CDH18: variants seen among roughly 807,000 people sequenced by gnomAD.
The protein encoded by CDH18 is cadherin-18.
Under a neutral mutation model 67.9 loss-of-function variants are expected in CDH18, and 31 were observed. That is an observed-to-expected ratio of 0.46 (90% CI 0.34 to 0.62). CDH18 has a LOEUF of 0.62. CDH18 is among the 20% of genes least tolerant of loss of function. CDH18 has a pLI of 0.01. For synonymous variants in CDH18, 362 were observed against 347.2 expected (o/e 1.04, Z -0.48); for missense variants, 890 against 975.5 (o/e 0.91, Z 1.17).
chr5:19,914,901 A>AT (rs1178500775), intron 2 of CDH18, among the ~76,000 whole-genome samples: 1 of 152,052 alleles, frequency 6.6e-6, no homozygotes, highest in South Asian at 2.1e-4. Flanking sequence ...GAACTTAACA[A>AT]TTTTTTTGTG....
At chr5:19,737,046 T>A (rs1768428545) in intron 4 of CDH18, among the ~76,000 whole-genome samples, 1 of 152,180 alleles carries the variant, frequency 6.6e-6, no homozygotes, top group Non-Finnish European at 1.5e-5. Flanking sequence ...AACACAGAAG[T>A]CTGGTAGAAA....
chr5:20,191,584 C>T (rs1250479766), intron 2 of CDH18, among the ~76,000 whole-genome samples: 1 of 151,946 alleles, frequency 6.6e-6, no homozygotes, highest in Non-Finnish European at 1.5e-5. Flanking sequence ...CAACGTTCAA[C>T]CCCCACTTAT....
At chr5:20,456,739 TTAATG>T (rs1232261767) in intron 1 of CDH18, among the ~76,000 whole-genome samples, 1 of 152,178 alleles carries the variant, frequency 6.6e-6, no homozygotes, top group Admixed American at 6.5e-5. Context: ...CATATTTTTT[TTAATG>T]TAATAGTACA....
chr5:20,317,946 C>G (rs927563392), intron 1 of CDH18, among the ~76,000 whole-genome samples: 1 of 152,268 alleles, frequency 6.6e-6, no homozygotes, highest in Middle Eastern at 3.4e-3. Context: ...ATTTTGTAAA[C>G]TGCTGCATAG....
intron 1 of CDH18, among the ~76,000 whole-genome samples, chr5:20,377,171 T>C (rs981092424): frequency 6.6e-6 from 1 of 152,202 alleles, no homozygotes; most frequent in African/African-American, 2.4e-5. Context: ...TTTCAACATT[T>C]GTCTGCCAAT....
In CDH18 at chr5:20,501,569, A is replaced by ATT. The variant is rs1491455085; in HGVS notation, c.-580+73892_-580+73893insAA. Among the ~76,000 whole-genome samples the ATT allele has an allele frequency of 1.3e-3, 21 of 16,182 alleles. 1 individual carries two copies. The East Asian group carries it at 0.025, about 19-fold the overall frequency. The allele number at this position is 16,182 out of a possible 152,430, so 10.6% of individuals were successfully genotyped here. Reference sequence around the variant, plus strand: ...TATTATATATATAATATATATATATAATATATATATATTATATATATATAT... The same window carrying ATT: ...TATTATATATATAATATATATATATATTATATATATATATTATATATATATAT... On this transcript the variant is annotated intron_variant, in intron 1 of 14. Coordinates refer to the CDH18 transcript ENST00000507958.
intron 5 of CDH18, among the ~76,000 whole-genome samples, chr5:19,670,222 A>G (rs2150347192): frequency 6.6e-6 from 1 of 152,286 alleles, no homozygotes; most frequent in African/African-American, 2.4e-5. Flanking sequence ...AAAGTTGCTA[A>G]ACAGTTTTTT....
intron 2 of CDH18, among the ~76,000 whole-genome samples, chr5:20,241,535 A>G (rs114042267): frequency 1.0e-3 from 152 of 152,214 alleles, no homozygotes; most frequent in African/African-American, 3.5e-3. Flanking sequence ...GTAACTCTTC[A>G]GAGATGAATA....
chr5:20,451,188 A>T (rs1158597445), intron 1 of CDH18, among the ~76,000 whole-genome samples: 1 of 152,212 alleles, frequency 6.6e-6, no homozygotes, highest in Non-Finnish European at 1.5e-5. Flanking sequence ...ACTTGAGAGC[A>T]GGACTTATGT....
intron 2 of CDH18, among the ~76,000 whole-genome samples, chr5:20,199,474 T>C (rs1268919150): frequency 2.6e-5 from 4 of 152,234 alleles, no homozygotes; most frequent in Non-Finnish European, 5.9e-5. Context: ...ACAATGCCTG[T>C]ACCCCTATAG....
chr5:19,713,103 G>C lies in CDH18; in HGVS notation c.643+8244C>G, dbSNP rs1413568094. ...GCTATTGGCTAAACAATAATTCCCA[G>C]TATTTTTTTTTTCTCAATAGTTACT... On this transcript the variant is annotated intron_variant, in intron 5 of 12. Transcript: ENST00000382275. Among the ~76,000 whole-genome samples the C allele has an allele frequency of 3.7e-4, 4 of 10,888 alleles. No individual in the cohort carries two copies. The Non-Finnish European group carries it at 0.014, about 39-fold the overall frequency. The allele number at this position is 10,888 out of a possible 152,430, so 7.1% of individuals were successfully genotyped here.
At chr5:20,256,171 T>C (rs1744220250) in intron 1 of CDH18, among the ~76,000 whole-genome samples, 1 of 152,050 alleles carries the variant, frequency 6.6e-6, no homozygotes, top group Non-Finnish European at 1.5e-5. Context: ...AATATATATG[T>C]TGTATGTATA....
intron 2 of CDH18, among the ~76,000 whole-genome samples, chr5:19,927,850 T>C (rs1793261739): frequency 6.6e-6 from 1 of 152,180 alleles, no homozygotes; most frequent in Non-Finnish European, 1.5e-5. Context: ...TAAATTGTAC[T>C]CTCTGTTCTG....
At position 20,299,058 on chromosome 5, in the gene CDH18, C is replaced by A. The variant is rs1025515808; in HGVS notation, c.-579-43553G>T. On this transcript the variant is annotated intron_variant, in intron 1 of 14. Transcript: ENST00000507958. ...ATGTAAAGAATTATGAATCATAGAA[C>A]AGATTTTAAGTTTTTCTCTGAGATG... is the stretch of plus-strand genomic sequence containing the variant. Among the ~76,000 whole-genome samples, 4 of 152,160 alleles carry A rather than the reference C, an allele frequency of 2.6e-5. No individual in the cohort carries two copies. The East Asian group carries it at 7.8e-4, about 29-fold the overall frequency.
Position 20,544,374 on chromosome 5 carries a change from G to A in CDH18, c.-580+31088C>T, listed in dbSNP as rs183377107. Among the ~76,000 whole-genome samples, 3 of 152,154 alleles carry A rather than the reference G, an allele frequency of 2.0e-5. No homozygotes were observed. In the East Asian group the frequency reaches 5.8e-4, roughly 29 times the overall value. On this transcript the variant is annotated intron_variant, in intron 1 of 14. Coordinates refer to the CDH18 transcript ENST00000507958. ...TGTGTATGTATAATATATAAAGAAT[G>A]TACACACATATGTGTATATATATAT...
At chr5:20,310,268 A>C (rs1435255206) in intron 1 of CDH18, among the ~76,000 whole-genome samples, 3 of 152,194 alleles carry the variant, frequency 2.0e-5, no homozygotes, top group Non-Finnish European at 4.4e-5. Context: ...AGAAAACTTC[A>C]ATCTTATCTT....
intron 1 of CDH18, among the ~76,000 whole-genome samples, chr5:20,303,380 C>T (rs1157475753): frequency 6.6e-6 from 1 of 152,058 alleles, no homozygotes; most frequent in African/African-American, 2.4e-5. Context: ...ATAGACACTA[C>T]AAAGCCAAAA....
At chr5:19,736,302 G>A (rs1490249452) in intron 4 of CDH18, among the ~76,000 whole-genome samples, 1 of 152,082 alleles carries the variant, frequency 6.6e-6, no homozygotes, top group African/African-American at 2.4e-5. Flanking sequence ...GATCACTTGA[G>A]CCTCGGAGAT....
Position 19,657,651 on chromosome 5 carries a change from T to C in CDH18, c.644-45050A>G, listed in dbSNP as rs75700247. Reference sequence around the variant, plus strand: ...CACTTGATCTAAAAATACACACTTTTAGTTTTGCTGAATTAGATTTAAATG... The same window carrying C: ...CACTTGATCTAAAAATACACACTTTCAGTTTTGCTGAATTAGATTTAAATG... On this transcript the variant is annotated intron_variant, in intron 5 of 12. Transcript: ENST00000382275. 6.9e-3 allele frequency among the ~76,000 whole-genome samples: 1,048 copies of C among 152,294 alleles called. 11 individuals carry two copies. Among genetic ancestry groups the C allele is most frequent in the African/African-American group, 0.024 (998 of 41,578 alleles).
Sources: gnomAD v4.1 joint callset for allele counts (sites outside exome capture counted in the v4.1 genomes callset) on GRCh38, gnomAD v4.1.1 for gene constraint, MANE v1.5 for transcripts, NCBI Gene and HGNC (gene_info 2026-07-23, HGNC 2026-07-21) for gene names.